The following OLFM2 variants were observed in gnomAD, a reference collection of about 807,000 sequenced individuals.
OLFM2 encodes olfactomedin 2.
In OLFM2, 20 loss-of-function variants were observed where a neutral mutation model predicts 43.9. The ratio of observed to expected loss-of-function variants is 0.46; its 90% CI spans 0.32 to 0.66. The LOEUF (loss-of-function observed/expected upper bound fraction) is 0.66. Among genes scored for constraint, OLFM2 ranks in the 30% least tolerant of loss-of-function variants. OLFM2 has a pLI of 0.04. For synonymous variants in OLFM2, 268 were observed against 278.6 expected (o/e 0.96, Z 0.38); for missense variants, 416 against 643.6 (o/e 0.65, Z 3.83).
At chr19:9,930,808 G>A (rs745464161) in intron 1 of OLFM2, among the ~76,000 whole-genome samples, 19 of 152,062 alleles carry the variant, frequency 1.2e-4, no homozygotes, top group Non-Finnish European at 2.4e-4. Context: ...AGCCGAAATC[G>A]CACCACTGCA....
At chr19:9,927,703 G>A (rs1461238846) in intron 1 of OLFM2, among the ~76,000 whole-genome samples, 3 of 152,174 alleles carry the variant, frequency 2.0e-5, no homozygotes, top group East Asian at 1.9e-4. Context: ...ACTGTGTCAC[G>A]TCCCTCCTGA....
At chr19:9,902,727 A>C (rs1213873113) in intron 1 of OLFM2, among the ~76,000 whole-genome samples, 1 of 151,880 alleles carries the variant, frequency 6.6e-6, no homozygotes, top group African/African-American at 2.4e-5. Context: ...TTCTTTTTAG[A>C]GACAAGGTCT....
chr19:9,917,576 T>C (rs2086392576), intron 1 of OLFM2, among the ~76,000 whole-genome samples: 1 of 152,120 alleles, frequency 6.6e-6, no homozygotes, highest in African/African-American at 2.4e-5. Context: ...ACCTCCTCCA[T>C]AGTGCCAGTT....
chr19:9,863,113 G>A (rs7257620), intron 1 of OLFM2, among the ~76,000 whole-genome samples: 2,613 of 152,144 alleles, frequency 0.017, 71 homozygotes, highest in African/African-American at 0.06. Flanking sequence ...AAGTGAGGGA[G>A]GAGCCATTTG....
chr19:9,888,009 T>C (rs1440323603), intron 1 of OLFM2, among the ~76,000 whole-genome samples: 1 of 150,758 alleles, frequency 6.6e-6, no homozygotes, highest in Admixed American at 6.6e-5. Context: ...CAAAGTAGAG[T>C]TCTCCCCAAG....
intron 1 of OLFM2, among the ~76,000 whole-genome samples, chr19:9,911,170 C>T (rs1292558821): frequency 6.6e-6 from 1 of 152,118 alleles, no homozygotes; most frequent in Non-Finnish European, 1.5e-5. Context: ...GATGAGAAAA[C>T]AATAGCTCAG....
intron 1 of OLFM2, among the ~76,000 whole-genome samples, chr19:9,927,401 C>G (rs2086460170): frequency 6.6e-6 from 1 of 152,204 alleles, no homozygotes; most frequent in Non-Finnish European, 1.5e-5. Flanking sequence ...TATCTGCACC[C>G]ACCATAGGCA....
chr19:9,875,547 G>A (rs887079078), intron 1 of OLFM2, among the ~76,000 whole-genome samples: 5 of 149,846 alleles, frequency 3.3e-5, no homozygotes, highest in African/African-American at 1.2e-4. Context: ...CTGGAGTGCA[G>A]TGGCACGATC....
chr19:9,884,020 C>A (rs937478184), intron 1 of OLFM2, among the ~76,000 whole-genome samples: 2 of 152,122 alleles, frequency 1.3e-5, no homozygotes, highest in African/African-American at 4.8e-5. Context: ...ATAATCCCAG[C>A]ACTTTGGGAG....
At chr19:9,875,000 C>T (rs1389705819) in intron 1 of OLFM2, among the ~76,000 whole-genome samples, 5 of 152,178 alleles carry the variant, frequency 3.3e-5, no homozygotes, top group African/African-American at 7.2e-5. Context: ...CTGCTTCAGA[C>T]GCTTCCTAAA....
chr19:9,914,837 C>G (rs1031364148), intron 1 of OLFM2, among the ~76,000 whole-genome samples: 2 of 151,992 alleles, frequency 1.3e-5, no homozygotes, highest in Admixed American at 6.6e-5. Context: ...CTGGCGTCCC[C>G]GCATCACCTC....
chr19:9,875,371 G>C (rs796242329), intron 1 of OLFM2, among the ~76,000 whole-genome samples: 1 of 152,140 alleles, frequency 6.6e-6, no homozygotes, highest in African/African-American at 2.4e-5. Flanking sequence ...GAAGAGCGAG[G>C]GTTCTGGAAT....
chr19:9,907,247 G>C (rs1278106230), intron 1 of OLFM2, among the ~76,000 whole-genome samples: 1 of 152,130 alleles, frequency 6.6e-6, no homozygotes, highest in African/African-American at 2.4e-5. Flanking sequence ...CTTGAGGTCA[G>C]GATTTGAGAC....
chr19:9,885,546 ATCT>A (rs149394332), intron 1 of OLFM2, among the ~76,000 whole-genome samples: 18,518 of 151,982 alleles, frequency 0.12, 1,296 homozygotes, highest in African/African-American at 0.19. Context: ...AGCAGCTGTG[ATCT>A]TCTCTGGACC....
chr19:9,910,068 A>C (rs1023594683), intron 1 of OLFM2, among the ~76,000 whole-genome samples: 1 of 152,048 alleles, frequency 6.6e-6, no homozygotes, highest in Admixed American at 6.6e-5. Context: ...CCCCCTGACT[A>C]ATAAGGAAAT....
chr19:9,871,767 T>C (rs2046444598), intron 1 of OLFM2, among the ~76,000 whole-genome samples: 1 of 152,146 alleles, frequency 6.6e-6, no homozygotes, highest in Non-Finnish European at 1.5e-5. Context: ...GGCCTGCCTC[T>C]ACCCTGGGAA....
Position 9,936,492 on chromosome 19 carries a change from C to T in OLFM2, c.-126G>A, listed in dbSNP as rs1269963182. 1.5e-6 allele frequency: 1 copy of T among 656,726 alleles called. No individual in the cohort carries two copies. Among genetic ancestry groups the T allele is most frequent in the Non-Finnish European group, 1.9e-6 (1 of 529,530 alleles). 40.7% of individuals were successfully genotyped at this position (656,726 alleles called of 1,614,324 possible). ...CCCTGCGCCGCCGCCTCCCCCGCCT[C>T]GCCGGCGGCCGGGATTCCGCCCCAC... On this transcript the variant is annotated 5_prime_UTR_variant, in exon 1 of 6. Coordinates refer to ENST00000264833, the MANE Select transcript of OLFM2 (RefSeq NM_058164.4).
In OLFM2 at chr19:9,860,063, A is replaced by G. The variant is rs534498157; in HGVS notation, c.213+582T>C. On this transcript the variant is annotated intron_variant, in intron 2 of 5. Transcript: ENST00000264833. ...AGGCTGAGGCAGGAGAATTGCTTGA[A>G]CCTGGGAGGTGGAGGTTGCGGTGAG... Among the ~76,000 whole-genome samples the G allele has an allele frequency of 6.7e-4, 101 of 151,726 alleles. 1 individual carries two copies. In the South Asian group the frequency reaches 8.3e-3, roughly 13 times the overall value.
chr19:9,924,625 A>G (rs2086441333), intron 1 of OLFM2, among the ~76,000 whole-genome samples: 1 of 151,916 alleles, frequency 6.6e-6, no homozygotes, highest in Admixed American at 6.6e-5. Flanking sequence ...TTCTTCCTCC[A>G]GCTCTGATAC....
Sources: allele counts gnomAD v4.1 joint callset (sites outside exome capture counted in the v4.1 genomes callset), GRCh38; gene constraint gnomAD v4.1.1; transcripts MANE v1.5; gene names NCBI Gene and HGNC (gene_info 2026-07-23, HGNC 2026-07-21).